SP100: variants seen among roughly 807,000 people sequenced by gnomAD.
The protein encoded by SP100 is SP100 nuclear body protein, also known as nuclear autoantigen Sp-100.
Under a neutral mutation model 130.0 loss-of-function variants are expected in SP100, and 84 were observed. That is an observed-to-expected ratio of 0.65 (90% CI 0.54 to 0.77). The LOEUF (loss-of-function observed/expected upper bound fraction) is 0.77. Among genes scored for constraint, SP100 ranks in the 30% least tolerant of loss-of-function variants. The pLI is 0.00. For missense variants in SP100, 978 were observed against 1,052.2 expected, an observed-to-expected ratio of 0.93 and a Z score of 0.97; for synonymous variants, 331 against 351.7, an observed-to-expected ratio of 0.94 and a Z score of 0.66.
chr2:230,466,201 A>AAAAC lies in SP100; in HGVS notation c.1142-98_1142-97insACAA, dbSNP rs35220862. On this transcript the variant is annotated intron_variant, in intron 11 of 28. Coordinates refer to ENST00000340126, the MANE Select transcript of SP100 (RefSeq NM_001080391.2). ...CTCCATCTCAAAAAAAAAAAAAAAA[A>AAAAC]AACTTTGTTATTAACCCAAGCCCAT... 367 of 575,552 alleles carry AAAAC rather than the reference A, an allele frequency of 6.4e-4. 4 individuals carry two copies. Among genetic ancestry groups the AAAAC allele is most frequent in the East Asian group, 2.4e-3 (75 of 31,006 alleles). The allele number at this position is 575,552 out of a possible 1,614,324, so 35.7% of individuals were successfully genotyped here.
At chr2:230,454,783 A>G (rs535153251) in intron 8 of SP100, among the ~76,000 whole-genome samples, 4 of 152,330 alleles carry the variant, frequency 2.6e-5, no homozygotes, top group Admixed American at 2.6e-4. Context: ...TATTCTATAT[A>G]TGCCTTTTAG....
chr2:230,482,044 T>G (rs2065857313), intron 17 of SP100, among the ~76,000 whole-genome samples: 1 of 152,186 alleles, frequency 6.6e-6, no homozygotes, highest in Admixed American at 6.5e-5. Flanking sequence ...GCCATGCTGG[T>G]GCGTTTCTTA....
At chr2:230,512,276 CTTTTTTTTTTTTTTTTTT>C (rs34753799) in intron 24 of SP100, among the ~76,000 whole-genome samples, 3 of 76,068 alleles carry the variant, frequency 3.9e-5, no homozygotes, top group African/African-American at 1.5e-4. Context: ...ATTGAAATGC[CTTTTTTTTTTTTTTTTTT>C]TTTTTTTTTT....
In SP100 at chr2:230,539,345, C is replaced by A; in HGVS notation, c.2173C>A (p.His725Asn). ...CTGCGACACTTGTCCAAGATCCTTT[C>A]ATGAGCACTGCCACATCCCATCCGT... Reference protein sequence around the residue: ...FCCDTCPRSFHEHCHIPSVEA... With the variant: ...FCCDTCPRSFNEHCHIPSVEA... Residue 725 changes from histidine to asparagine, a missense_variant, in exon 25 of 29, where the codon CAT becomes AAT. Coordinates refer to ENST00000340126, the MANE Select transcript of SP100 (RefSeq NM_001080391.2). The A allele has an allele frequency of 6.2e-7, 1 of 1,613,858 alleles. No individual in the cohort carries two copies. Among genetic ancestry groups the A allele is most frequent in the Non-Finnish European group, 8.5e-7 (1 of 1,179,784 alleles).
intron 2 of SP100, among the ~76,000 whole-genome samples, chr2:230,428,482 G>A (rs959215882): frequency 1.9e-4 from 28 of 149,804 alleles, no homozygotes; most frequent in South Asian, 1.7e-3. Flanking sequence ...TCGCTCTGTC[G>A]CCCAGGCTGG....
intron 24 of SP100, 112 bp downstream of exon 24, chr2:230,511,278 G>A: frequency 1.2e-6 from 1 of 814,058 alleles, no homozygotes; most frequent in Non-Finnish European, 2.2e-6. Context: ...GGAGTATGTT[G>A]CTGTGTGTGA....
At chr2:230,500,557 C>T (rs778305383) in intron 19 of SP100, among the ~76,000 whole-genome samples, 3 of 152,172 alleles carry the variant, frequency 2.0e-5, no homozygotes, top group Non-Finnish European at 2.9e-5. Flanking sequence ...GCTGAACATA[C>T]CCAGGTTATG....
Position 230,544,055 on chromosome 2 carries a change from G to T in SP100, c.*1109G>T, listed in dbSNP as rs1409876044. 2.0e-5 allele frequency: 3 copies of T among 152,122 alleles called. No individual in the cohort carries two copies. Among genetic ancestry groups the T allele is most frequent in the Admixed American group, 6.6e-5 (1 of 15,262 alleles). 9.4% of individuals were successfully genotyped at this position (152,122 alleles called of 1,614,324 possible). On this transcript the variant is annotated 3_prime_UTR_variant, in exon 29 of 29. Transcript: ENST00000340126. ...CGATAAAAACAAGCAATGGGAAAAA[G>T]ACTCCCTATTTTATAAATGGTGCTG...
chr2:230,539,275 C>T lies in SP100; in HGVS notation c.2103C>T (p.Asn701=). The change falls in exon 25 of 29, where the codon AAC becomes AAT. Residue 701 remains asparagine (N), a synonymous_variant. Transcript: ENST00000340126. The part of the protein sequence containing the change: ...NNTLVDPCPE[N]SNICEVCNKW... ...TACATCTCCCCTTCTAGCCGGAAAACTCAAATATATGTGAGGTGTGCAACA... is the reference window on the plus strand; with the variant it reads ...TACATCTCCCCTTCTAGCCGGAAAATTCAAATATATGTGAGGTGTGCAACA... The T allele has an allele frequency of 1.9e-6, 3 of 1,613,282 alleles. No individual in the cohort carries two copies. The highest frequency in any genetic ancestry group is 2.5e-6 in the Non-Finnish European group (3 of 1,179,260).
intron 27 of SP100, 115 bp from the exon 28 acceptor site, chr2:230,541,777 A>AT: frequency 8.9e-7 from 1 of 1,128,756 alleles, no homozygotes; most frequent in Non-Finnish European, 1.3e-6. Context: ...GTACCTTCAC[A>AT]GGGGGGTTAG....
chr2:230,508,092 T>TG (rs780933473), intron 23 of SP100, 61 bp downstream of exon 23: 7 of 1,602,412 alleles, frequency 4.4e-6, no homozygotes, highest in Non-Finnish European at 4.3e-6. Flanking sequence ...TTTCTATCTC[T>TG]GTGGACTTAC....
intron 2 of SP100, among the ~76,000 whole-genome samples, chr2:230,425,190 A>G (rs1049488394): frequency 6.6e-6 from 1 of 152,218 alleles, no homozygotes; most frequent in Non-Finnish European, 1.5e-5. Flanking sequence ...GCAAATTTCA[A>G]ATATGTAATA....
intron 2 of SP100, among the ~76,000 whole-genome samples, chr2:230,434,860 C>T (rs149341738): frequency 9.2e-4 from 140 of 152,182 alleles, no homozygotes; most frequent in Middle Eastern, 3.4e-3. Context: ...GAGTGTGGCC[C>T]GACAGACATG....
chr2:230,533,365 T>C (rs1691791209), intron 24 of SP100, among the ~76,000 whole-genome samples: 1 of 152,260 alleles, frequency 6.6e-6, no homozygotes, highest in Non-Finnish European at 1.5e-5. Context: ...GTAACCTAAA[T>C]ACTTTAATAC....
chr2:230,542,403 G>A (rs1176689296), intron 28 of SP100, among the ~76,000 whole-genome samples: 3 of 152,074 alleles, frequency 2.0e-5, no homozygotes, highest in Admixed American at 6.6e-5. Flanking sequence ...CAAATCAAAG[G>A]TCTCAAATGT....
At chr2:230,529,054 G>A (rs1194783200) in intron 24 of SP100, among the ~76,000 whole-genome samples, 2 of 152,088 alleles carry the variant, frequency 1.3e-5, no homozygotes, top group African/African-American at 4.8e-5. Flanking sequence ...AGAAAAAGAG[G>A]GAATCCTCCC....
In SP100 at chr2:230,503,318, C is replaced by T. The variant is rs560424301; in HGVS notation, c.1765+208C>T. Among the ~76,000 whole-genome samples, 4 of 152,230 alleles carry T rather than the reference C, an allele frequency of 2.6e-5. No homozygotes were observed. The East Asian group carries it at 5.8e-4, about 22-fold the overall frequency. On this transcript the variant is annotated intron_variant, in intron 20 of 28. Coordinates refer to ENST00000340126, the MANE Select transcript of SP100 (RefSeq NM_001080391.2). ...CCCAGTCAACCCCTCATGCAGGGTTCCCTGAGCAATGTGCACGTTCTTTTT... is the reference window on the plus strand; with the variant it reads ...CCCAGTCAACCCCTCATGCAGGGTTTCCTGAGCAATGTGCACGTTCTTTTT...
rs1467479338 is a variant in SP100 at position 230,446,910 on chromosome 2, T to G, written c.523+8T>G. The G allele has an allele frequency of 2.5e-6, 4 of 1,572,190 alleles. No individual in the cohort carries two copies. The East Asian group carries it at 6.8e-5, about 27-fold the overall frequency. On this transcript the variant is annotated splice_region_variant and intron_variant, in intron 5 of 28. Transcript: ENST00000340126. ...AACTAAGTCTTGAACAAGGTAAAAA[T>G]GACAGAATAAAAGCTTTTTTCTAAG...
chr2:230,452,943 T>C (rs1284956826), intron 8 of SP100, among the ~76,000 whole-genome samples: 1 of 152,064 alleles, frequency 6.6e-6, no homozygotes, highest in Non-Finnish European at 1.5e-5. Flanking sequence ...TTCTTTTGCC[T>C]GCCTAATTGT....
Sources: gnomAD v4.1 joint callset for allele counts (sites outside exome capture counted in the v4.1 genomes callset) on GRCh38, gnomAD v4.1.1 for gene constraint, MANE v1.5 for transcripts, NCBI Gene and HGNC (gene_info 2026-07-23, HGNC 2026-07-21) for gene names.